CPED1: variants seen among roughly 807,000 people sequenced by gnomAD.
The protein encoded by CPED1 is cadherin like and PC-esterase domain containing 1.
In CPED1, 114 loss-of-function variants were observed where a neutral mutation model predicts 128.2. The observed-to-expected ratio is 0.89, with a 90% confidence interval of 0.76 to 1.04. CPED1 has a LOEUF of 1.04. Ranked by LOEUF, CPED1 falls within the 50% of genes least tolerant of loss-of-function variation. The pLI is 0.00. For synonymous variants in CPED1, 462 were observed against 426.7 expected (o/e 1.08, Z -1.02); for missense variants, 1,211 against 1,207.1 (o/e 1.00, Z -0.05).
In CPED1 at chr7:121,045,075, G is replaced by T. The variant is rs1412410718; in HGVS notation, c.434-1812G>T. Among the ~76,000 whole-genome samples, 11 of 152,264 alleles carry T rather than the reference G, an allele frequency of 7.2e-5. No homozygotes were observed. The South Asian group carries it at 8.3e-4, about 11-fold the overall frequency. ...AAAAAGTTTGGGATGAAAAAGCCAG[G>T]TGCACTTTTAAAATAAAGTATTGGA... On this transcript the variant is annotated intron_variant, in intron 3 of 22. Transcript: ENST00000310396.
chr7:120,994,321 T>A (rs1040602996), intron 2 of CPED1, among the ~76,000 whole-genome samples: 18 of 152,184 alleles, frequency 1.2e-4, no homozygotes, highest in African/African-American at 4.3e-4. Flanking sequence ...CCCTTTCTCC[T>A]CCCGATATCT....
At chr7:121,087,948 C>T (rs942679000) in intron 5 of CPED1, among the ~76,000 whole-genome samples, 14 of 152,116 alleles carry the variant, frequency 9.2e-5, no homozygotes, top group African/African-American at 2.7e-4. Context: ...GCATGAACCA[C>T]CATGCCTGGC....
intron 14 of CPED1, among the ~76,000 whole-genome samples, chr7:121,140,241 T>C (rs1795870543): frequency 6.6e-6 from 1 of 152,026 alleles, no homozygotes. Context: ...GTCCTTCTTA[T>C]ACTTTATGGT....
chr7:121,195,588 A>T (rs1308569638), intron 16 of CPED1, among the ~76,000 whole-genome samples: 1 of 152,152 alleles, frequency 6.6e-6, no homozygotes, highest in Non-Finnish European at 1.5e-5. Flanking sequence ...TAAGTCATGG[A>T]CCAATCATTA....
chr7:121,258,407 C>T (rs549043813), intron 18 of CPED1, among the ~76,000 whole-genome samples: 1 of 152,202 alleles, frequency 6.6e-6, no homozygotes, highest in Non-Finnish European at 1.5e-5. Context: ...GCACTGGATC[C>T]AGCCTGGAAA....
chr7:121,108,162 G>A (rs1196549561), intron 7 of CPED1, among the ~76,000 whole-genome samples: 1 of 151,940 alleles, frequency 6.6e-6, no homozygotes, highest in East Asian at 1.9e-4. Flanking sequence ...AATGGCAAGA[G>A]GAAAAAAGGC....
chr7:121,042,979 A>G (rs545679315), intron 3 of CPED1, among the ~76,000 whole-genome samples: 3 of 152,368 alleles, frequency 2.0e-5, no homozygotes, highest in East Asian at 3.9e-4. Flanking sequence ...GTTTTCAGCT[A>G]ACACAAATCT....
intron 12 of CPED1, among the ~76,000 whole-genome samples, 156 bp downstream of exon 12, chr7:121,130,450 A>G (rs1795634622): frequency 6.6e-6 from 1 of 152,104 alleles, no homozygotes; most frequent in African/African-American, 2.4e-5. Context: ...AAACATTGAA[A>G]CCATAATGAT....
At chr7:121,116,964 A>C (rs78842547) in intron 7 of CPED1, among the ~76,000 whole-genome samples, 12,497 of 41,106 alleles carry the variant, frequency 0.3, 581 homozygotes, top group Non-Finnish European at 0.34. Flanking sequence ...CTCTCTCTCT[A>C]TATATATATA....
intron 3 of CPED1, among the ~76,000 whole-genome samples, chr7:121,027,739 T>G (rs923858349): frequency 1.8e-5 from 2 of 111,024 alleles, no homozygotes; most frequent in African/African-American, 4.1e-5. Context: ...ATTATAACCT[T>G]TAGTAATAAT....
chr7:121,250,290 C>T (rs1165770683), intron 18 of CPED1, among the ~76,000 whole-genome samples: 2 of 151,560 alleles, frequency 1.3e-5, no homozygotes, highest in Non-Finnish European at 2.9e-5. Flanking sequence ...AAAGACACAA[C>T]ATACCAGAAT....
intron 16 of CPED1, among the ~76,000 whole-genome samples, chr7:121,194,022 C>CTCTCTCTA (rs1484413430): frequency 3.9e-4 from 29 of 74,728 alleles, no homozygotes; most frequent in Admixed American, 2.5e-3. Context: ...CTCTCTCTCT[C>CTCTCTCTA]TATATATATA....
intron 16 of CPED1, among the ~76,000 whole-genome samples, chr7:121,234,892 T>A (rs1033946816): frequency 2.0e-5 from 3 of 152,152 alleles, no homozygotes; most frequent in Non-Finnish European, 4.4e-5. Flanking sequence ...TGAAAATATC[T>A]CCATGTTACT....
intron 2 of CPED1, among the ~76,000 whole-genome samples, chr7:121,012,733 C>A (rs536431055): frequency 5.9e-5 from 9 of 152,228 alleles, no homozygotes; most frequent in African/African-American, 1.7e-4. Context: ...GATAATACAA[C>A]GTAATTCTAC....
intron 7 of CPED1, among the ~76,000 whole-genome samples, chr7:121,121,589 A>C (rs1020686416): frequency 6.6e-6 from 1 of 152,184 alleles, no homozygotes; most frequent in African/African-American, 2.4e-5. Flanking sequence ...TTCCTTGCGA[A>C]CTTATATTCT....
chr7:121,033,785 T>C (rs1176714174), intron 3 of CPED1, among the ~76,000 whole-genome samples: 1 of 152,234 alleles, frequency 6.6e-6, no homozygotes, highest in Non-Finnish European at 1.5e-5. Flanking sequence ...AATAAGCCAT[T>C]GAGAGACAGT....
chr7:121,234,195 C>T (rs1422255910), intron 16 of CPED1, among the ~76,000 whole-genome samples: 2 of 151,968 alleles, frequency 1.3e-5, no homozygotes, highest in South Asian at 2.1e-4. Context: ...ATGGGTATGG[C>T]GTAGGTACCT....
chr7:121,114,052 G>A (rs1001746805), intron 7 of CPED1, among the ~76,000 whole-genome samples: 4 of 151,912 alleles, frequency 2.6e-5, no homozygotes, highest in Non-Finnish European at 5.9e-5. Context: ...GAATGGTCTC[G>A]ACCTCCTGAC....
intron 7 of CPED1, among the ~76,000 whole-genome samples, chr7:121,100,510 A>G (rs182632841): frequency 6.6e-6 from 1 of 152,304 alleles, no homozygotes; most frequent in Non-Finnish European, 1.5e-5. Flanking sequence ...ACACCAGTCA[A>G]TATGGAATAT....
Sources: allele counts gnomAD v4.1 joint callset (sites outside exome capture counted in the v4.1 genomes callset), GRCh38; gene constraint gnomAD v4.1.1; transcripts MANE v1.5; gene names NCBI Gene and HGNC (gene_info 2026-07-23, HGNC 2026-07-21).